SAMD3: variants seen among roughly 807,000 people sequenced by gnomAD.
The protein encoded by SAMD3 is sterile alpha motif domain containing 3.
In SAMD3, 63 loss-of-function variants were observed where a neutral mutation model predicts 58.5. The ratio of observed to expected loss-of-function variants is 1.08; its 90% CI spans 0.88 to 1.33. The LOEUF (loss-of-function observed/expected upper bound fraction) is 1.33, where lower values mean the gene tolerates loss of function less well. Among genes scored for constraint, SAMD3 ranks in the 40% most tolerant of loss-of-function variants. The pLI is 0.00. For missense variants in SAMD3, 604 were observed against 608.4 expected, an observed-to-expected ratio of 0.99 and a Z score of 0.08; for synonymous variants, 220 against 210.3, an observed-to-expected ratio of 1.05 and a Z score of -0.40.
chr6:130,199,189 T>C (rs1794416455), intron 5 of SAMD3, among the ~76,000 whole-genome samples: 1 of 152,138 alleles, frequency 6.6e-6, no homozygotes, highest in South Asian at 2.1e-4. Context: ...CTCCCACCAT[T>C]GGGAGAGAAA....
chr6:130,327,578 G>T (rs748736703), intron 1 of SAMD3, among the ~76,000 whole-genome samples: 3 of 151,966 alleles, frequency 2.0e-5, no homozygotes, highest in Non-Finnish European at 2.9e-5. Flanking sequence ...GCATCAAAAA[G>T]GTATCAAAAT....
Position 130,318,946 on chromosome 6 carries a change from A to G in SAMD3, c.-303-5853T>C, listed in dbSNP as rs1219750130. Among the ~76,000 whole-genome samples, 3 of 152,228 alleles carry G rather than the reference A, an allele frequency of 2.0e-5. No individual in the cohort carries two copies. In the East Asian group the frequency reaches 5.8e-4, roughly 29 times the overall value. On this transcript the variant is annotated intron_variant, in intron 1 of 13. Transcript: ENST00000368134. The stretch of plus-strand genomic sequence containing the variant: ...GAGAAAAGATTGAACTGTTAGTTAT[A>G]GATATGAAGATACAAAAATCGAATT...
chr6:130,322,547 A>G (rs748197526), intron 1 of SAMD3, among the ~76,000 whole-genome samples: 4 of 152,134 alleles, frequency 2.6e-5, no homozygotes, highest in Admixed American at 6.5e-5. Flanking sequence ...GAGGCAGGAG[A>G]ATCACTTGAA....
chr6:130,353,803 A>G (rs1777748896), intron 1 of SAMD3, among the ~76,000 whole-genome samples: 2 of 152,214 alleles, frequency 1.3e-5, no homozygotes, highest in Non-Finnish European at 1.5e-5. Flanking sequence ...TCTGCAGGCT[A>G]TAAGCCATAT....
At chr6:130,318,316 C>G (rs894690262) in intron 1 of SAMD3, among the ~76,000 whole-genome samples, 1 of 152,056 alleles carries the variant, frequency 6.6e-6, no homozygotes, top group Non-Finnish European at 1.5e-5. Context: ...CATATGCTTT[C>G]CAATGAACTA....
intron 1 of SAMD3, among the ~76,000 whole-genome samples, chr6:130,357,394 G>C (rs1029443272): frequency 6.6e-6 from 1 of 151,984 alleles, no homozygotes; most frequent in Non-Finnish European, 1.5e-5. Flanking sequence ...AAAGTCCTGG[G>C]ATTACAGGCG....
At chr6:130,267,511 A>T (rs969960582) in intron 2 of SAMD3, among the ~76,000 whole-genome samples, 4 of 152,176 alleles carry the variant, frequency 2.6e-5, no homozygotes, top group Non-Finnish European at 5.9e-5. Context: ...AAATGAGAGA[A>T]CAGAGACAGA....
At chr6:130,327,190 A>G (rs538286743) in intron 1 of SAMD3, among the ~76,000 whole-genome samples, 103 of 152,290 alleles carry the variant, frequency 6.8e-4, no homozygotes, top group African/African-American at 2.4e-3. Flanking sequence ...CTATAAATCA[A>G]TGAATTTTAC....
At chr6:130,154,484 A>T (rs1789552534) in intron 9 of SAMD3, among the ~76,000 whole-genome samples, 1 of 151,812 alleles carries the variant, frequency 6.6e-6, no homozygotes, top group Non-Finnish European at 1.5e-5. Flanking sequence ...ACCTGAGGTC[A>T]GGAGTTCAAG....
chr6:130,193,997 C>T (rs773249428), intron 5 of SAMD3, among the ~76,000 whole-genome samples: 2 of 152,128 alleles, frequency 1.3e-5, no homozygotes, highest in Admixed American at 6.5e-5. Context: ...GACCTCTCCC[C>T]TCCTCCCCAG....
chr6:130,216,372 G>C (rs1359123558), intron 2 of SAMD3, among the ~76,000 whole-genome samples, 199 bp downstream of exon 2: 1 of 152,086 alleles, frequency 6.6e-6, no homozygotes, highest in African/African-American at 2.4e-5. Context: ...TGACTATTCT[G>C]TAAAGACCAA....
At chr6:130,159,186 C>T (rs1790061292) in intron 8 of SAMD3, among the ~76,000 whole-genome samples, 1 of 152,128 alleles carries the variant, frequency 6.6e-6, no homozygotes, top group African/African-American at 2.4e-5. Flanking sequence ...TCATGCTGTT[C>T]TCATGGTAGT....
intron 4 of SAMD3, among the ~76,000 whole-genome samples, chr6:130,212,038 T>A (rs1411555236): frequency 6.6e-6 from 1 of 151,604 alleles, no homozygotes; most frequent in Non-Finnish European, 1.5e-5. Context: ...GTTGAGGGGC[T>A]AATATCATAA....
chr6:130,219,004 T>A (rs776596238), intron 1 of SAMD3, among the ~76,000 whole-genome samples: 5 of 152,150 alleles, frequency 3.3e-5, no homozygotes, highest in Non-Finnish European at 7.4e-5. Flanking sequence ...TTTGGAAAGA[T>A]TATTTAGGCA....
chr6:130,304,018 G>T (rs971036736), intron 2 of SAMD3, among the ~76,000 whole-genome samples: 3 of 151,940 alleles, frequency 2.0e-5, no homozygotes, highest in Non-Finnish European at 2.9e-5. Context: ...TAACTTGAGT[G>T]TATAAACATT....
chr6:130,333,236 T>C (rs1447281497), intron 1 of SAMD3, among the ~76,000 whole-genome samples: 3 of 152,184 alleles, frequency 2.0e-5, no homozygotes, highest in Non-Finnish European at 4.4e-5. Flanking sequence ...TATTTTACTA[T>C]AATATTTGAG....
chr6:130,203,355 T>A (rs1213178849), intron 5 of SAMD3, among the ~76,000 whole-genome samples: 1 of 152,226 alleles, frequency 6.6e-6, no homozygotes, highest in African/African-American at 2.4e-5. Context: ...TGTCCAAGGT[T>A]ACTCAGCTGG....
chr6:130,146,542 T>C (rs1221329173), intron 9 of SAMD3, among the ~76,000 whole-genome samples: 2 of 152,242 alleles, frequency 1.3e-5, no homozygotes, highest in Non-Finnish European at 2.9e-5. Context: ...TACATTGTTA[T>C]GTCTTGTTCA....
intron 5 of SAMD3, among the ~76,000 whole-genome samples, chr6:130,197,341 G>A (rs994066473): frequency 5.3e-5 from 8 of 152,124 alleles, no homozygotes; most frequent in South Asian, 4.1e-4. Flanking sequence ...TTACACTGCC[G>A]GTTTACACCG....
Sources: gnomAD v4.1 joint callset for allele counts (sites outside exome capture counted in the v4.1 genomes callset) on GRCh38, gnomAD v4.1.1 for gene constraint, MANE v1.5 for transcripts, NCBI Gene and HGNC (gene_info 2026-07-23, HGNC 2026-07-21) for gene names.